The following GLRX3 variants were observed in gnomAD, a reference collection of about 807,000 sequenced individuals.
GLRX3 encodes the protein glutaredoxin 3.
GLRX3 carries 22 observed loss-of-function variants against 49.5 expected under a neutral mutation model. The observed-to-expected ratio is 0.44, with a 90% CI of 0.32 to 0.63. The LOEUF (loss-of-function observed/expected upper bound fraction) is 0.63, where lower values mean the gene tolerates loss of function less well. GLRX3 is among the 30% of genes least tolerant of loss of function. The pLI is 0.05. For missense variants in GLRX3, 385 were observed against 396.3 expected (o/e 0.97, Z 0.24); for synonymous variants, 133 against 140.0 (o/e 0.95, Z 0.35).
chr10:130,141,233 A>C (rs72848307), intron 1 of GLRX3, among the ~76,000 whole-genome samples: 32,760 of 152,010 alleles, frequency 0.22, 3,863 homozygotes, highest in South Asian at 0.3. Flanking sequence ...ACCTGAGCCC[A>C]GGAAGTCGAG....
chr10:130,142,187 G>A (rs2134870584), intron 1 of GLRX3, among the ~76,000 whole-genome samples: 1 of 152,192 alleles, frequency 6.6e-6, no homozygotes, highest in East Asian at 1.9e-4. Flanking sequence ...TTCCTTGTGT[G>A]CCTGTGGACA....
At chr10:130,173,507 C>T (rs2134925681) in intron 8 of GLRX3, among the ~76,000 whole-genome samples, 1 of 152,246 alleles carries the variant, frequency 6.6e-6, no homozygotes, top group Admixed American at 6.5e-5. Context: ...CCTTTAGTAG[C>T]CAAAATACAC....
chr10:130,149,832 AT>A (rs1486981178), intron 2 of GLRX3, among the ~76,000 whole-genome samples: 1 of 139,848 alleles, frequency 7.2e-6, no homozygotes, highest in African/African-American at 2.7e-5. Flanking sequence ...AATGCCCTAT[AT>A]TTTTGTCTAT....
rs774268279 is a variant in GLRX3, at chr10:130,166,658, A to G, written c.630A>G (p.Ile210Met). The G allele has an allele frequency of 2.5e-6, 4 of 1,607,864 alleles. No individual in the cohort carries two copies. The highest frequency in any genetic ancestry group is 3.4e-6 in the Non-Finnish European group (4 of 1,174,582). ...AGCTCTATGTTTCTGGAGAGCTCAT[A>G]GGAGGACTTGATATAATTAAGGTTA... ...YPQLYVSGELIGGLDIIKELE... is the reference protein window; with the variant it reads ...YPQLYVSGELMGGLDIIKELE... Residue 210 changes from isoleucine (I) to methionine (M), a missense_variant, in exon 5 of 11, where the codon ATA becomes ATG. Ile to Met is a conservative substitution (Grantham distance 10, BLOSUM62 1). Coordinates refer to ENST00000331244, the MANE Select transcript of GLRX3 (RefSeq NM_006541.5).
intron 8 of GLRX3, 69 bp from the exon 9 acceptor site, chr10:130,174,798 C>G (rs1002564069): frequency 3.6e-5 from 35 of 961,592 alleles, no homozygotes; most frequent in South Asian, 5.5e-5. Context: ...TTAAAAACAT[C>G]AAATGCATAG....
chr10:130,166,764 A>G, intron 5 of GLRX3, 85 bp downstream of exon 5: 1 of 1,052,452 alleles, frequency 9.5e-7, no homozygotes, highest in East Asian at 2.4e-5. Flanking sequence ...TAAGATACAA[A>G]TTTCTTATGA....
intron 3 of GLRX3, among the ~76,000 whole-genome samples, 169 bp from the exon 4 acceptor site, chr10:130,160,627 A>G (rs1862556148): frequency 6.6e-6 from 1 of 152,200 alleles, no homozygotes; most frequent in African/African-American, 2.4e-5. Context: ...TTTCTGAGAA[A>G]AGAAAAAAAT....
At chr10:130,169,405 C>T (rs773195320) in intron 6 of GLRX3, 28 bp from the exon 7 acceptor site, 3 of 1,495,722 alleles carry the variant, frequency 2.0e-6, no homozygotes, top group South Asian at 1.1e-5. Context: ...TTGAGCTGAG[C>T]CGTTTTATAT....
At chr10:130,152,244 C>T (rs1429911313) in intron 2 of GLRX3, among the ~76,000 whole-genome samples, 2 of 152,174 alleles carry the variant, frequency 1.3e-5, no homozygotes, top group Non-Finnish European at 2.9e-5. Context: ...GTCTCAAACT[C>T]CTGACCTCAA....
chr10:130,160,589 T>C (rs1862555478), intron 3 of GLRX3, among the ~76,000 whole-genome samples: 1 of 152,200 alleles, frequency 6.6e-6, no homozygotes, highest in African/African-American at 2.4e-5. Flanking sequence ...GATTTGACTT[T>C]GAGATGTTGC....
At chr10:130,148,908 A>C (rs1862319082) in intron 2 of GLRX3, among the ~76,000 whole-genome samples, 1 of 151,928 alleles carries the variant, frequency 6.6e-6, no homozygotes, top group Non-Finnish European at 1.5e-5. Context: ...ACAGAATAAA[A>C]ATTTAAAAAA....
At position 130,160,891 on chromosome 10, in the gene GLRX3, C is replaced by T. The variant is rs765886070; in HGVS notation, c.372C>T (p.Ser124=). The change falls in exon 4 of 11, where the codon AGC becomes AGT. Residue 124 remains serine (S), a synonymous_variant. Coordinates refer to ENST00000331244, the MANE Select transcript of GLRX3 (RefSeq NM_006541.5). ...CATCTAGTGGCTCCTTCCTACCCAG[C>T]GCTAATGAACATCTTAAAGAAGATC... is the stretch of plus-strand genomic sequence containing the variant. The part of the protein sequence containing the change: ...RHASSGSFLP[S]ANEHLKEDLN... 3.8e-5 allele frequency: 61 copies of T among 1,611,042 alleles called. No individual in the cohort carries two copies. Among genetic ancestry groups the T allele is most frequent in the Non-Finnish European group, 4.7e-5 (55 of 1,177,342 alleles).
chr10:130,170,062 C>T (rs374103961), intron 7 of GLRX3, among the ~76,000 whole-genome samples: 8 of 152,266 alleles, frequency 5.3e-5, no homozygotes, highest in Admixed American at 6.5e-5. Context: ...TTACTTCCAC[C>T]GATAGTTTGA....
intron 8 of GLRX3, among the ~76,000 whole-genome samples, chr10:130,172,912 C>T (rs549666720): frequency 2.0e-5 from 3 of 152,314 alleles, no homozygotes; most frequent in East Asian, 3.9e-4. Context: ...CACTGCACTC[C>T]AACCTGGGTG....
intron 10 of GLRX3, among the ~76,000 whole-genome samples, chr10:130,177,109 T>C (rs1862938632): frequency 6.6e-6 from 1 of 152,244 alleles, no homozygotes; most frequent in Non-Finnish European, 1.5e-5. Flanking sequence ...CATTTTGATC[T>C]GTTTCTTGCA....
chr10:130,174,340 C>A (rs1334183094), intron 8 of GLRX3, among the ~76,000 whole-genome samples: 1 of 152,206 alleles, frequency 6.6e-6, no homozygotes, highest in East Asian at 1.9e-4. Flanking sequence ...GAAGCAGCAG[C>A]CTGGGGTGGG....
intron 2 of GLRX3, 199 bp from the exon 3 acceptor site, chr10:130,159,795 GT>G: frequency 7.5e-7 from 1 of 1,328,836 alleles, no homozygotes; most frequent in Non-Finnish European, 9.7e-7. Flanking sequence ...CTCTGAACCT[GT>G]TTTGACACTG....
rs75005101 is a variant in GLRX3 at position 130,171,685 on chromosome 10, G to A, written c.824+49G>A. On this transcript the variant is annotated intron_variant, in intron 8 of 10. Coordinates refer to ENST00000331244, the MANE Select transcript of GLRX3 (RefSeq NM_006541.5). ...GGTGTATTAAAAAAATTCCAACCTG[G>A]CCAGGCGTAGTGGCTCACGTCTATA... The A allele has an allele frequency of 1.4e-3, 1,359 of 975,444 alleles. 11 individuals carry two copies. The African/African-American group carries it at 0.019, about 13-fold the overall frequency. 60.4% of individuals were successfully genotyped at this position (975,444 alleles called of 1,614,324 possible). A position where few individuals can be genotyped will look rare whatever the true frequency, so the allele number is the denominator to read the frequency against.
At chr10:130,163,811 C>T (rs147262985) in intron 4 of GLRX3, among the ~76,000 whole-genome samples, 102 of 152,294 alleles carry the variant, frequency 6.7e-4, no homozygotes, top group African/African-American at 1.7e-3. Context: ...TAGAGAAGGG[C>T]GTAGGCAAAG....
Sources: allele counts gnomAD v4.1 joint callset (sites outside exome capture counted in the v4.1 genomes callset), GRCh38; gene constraint gnomAD v4.1.1; transcripts MANE v1.5; gene names NCBI Gene and HGNC (gene_info 2026-07-23, HGNC 2026-07-21).